Variants in DHTKD1 observed in about 807,000 individuals in gnomAD.
DHTKD1 encodes the protein 2-oxoadipate dehydrogenase complex component E1.
DHTKD1 carries 78 observed loss-of-function variants against 101.8 expected under a neutral mutation model. That is an observed-to-expected ratio of 0.77 (90% CI 0.64 to 0.93). DHTKD1 has a LOEUF of 0.93. DHTKD1 is among the 40% of genes least tolerant of loss of function. The pLI, the probability that DHTKD1 is intolerant of heterozygous loss-of-function variation, is 0.00. For missense variants in DHTKD1, 1,223 were observed against 1,161.7 expected (o/e 1.05, Z -0.77); for synonymous variants, 462 against 450.3 (o/e 1.03, Z -0.33).
Position 12,091,566 on chromosome 10 carries a change from G to T in DHTKD1, c.1041G>T (p.Thr347=), listed in dbSNP as rs181104203. Residue 347 remains threonine (T), a synonymous_variant, in exon 6 of 17, where the codon ACG becomes ACT. Transcript: ENST00000263035. The part of the protein sequence containing the change: ...CGQGIVPETF[T]LSNLPHFRIG... ...AAGGGATTGTTCCTGAAACATTCAC[G>T]CTGTCCAATCTCCCACATTTCAGAA... 1 of 1,612,716 alleles carries T rather than the reference G, an allele frequency of 6.2e-7. No homozygotes were observed. Among genetic ancestry groups the T allele is most frequent in the Non-Finnish European group, 8.5e-7 (1 of 1,179,834 alleles).
chr10:12,099,872 C>T (rs1833131491), intron 8 of DHTKD1, among the ~76,000 whole-genome samples: 1 of 149,464 alleles, frequency 6.7e-6, no homozygotes, highest in Non-Finnish European at 1.5e-5. Flanking sequence ...TCTCAGCTCA[C>T]TGCAACCTCC....
Position 12,109,368 on chromosome 10 carries a change from A to G in DHTKD1, c.2154+1353A>G, listed in dbSNP as rs186475944. Among the ~76,000 whole-genome samples the G allele has an allele frequency of 5.3e-5, 8 of 151,974 alleles. No homozygotes were observed. In the East Asian group the frequency reaches 5.8e-4, roughly 11 times the overall value. On this transcript the variant is annotated intron_variant, in intron 12 of 16. Transcript: ENST00000263035. ...TAAAAAGAGATTAGAGTAATGGTAG[A>G]TAAACTAAAGCATGACATGTGAAAT... is the stretch of plus-strand genomic sequence containing the variant.
rs568950336 is a variant in DHTKD1 at position 12,115,489 on chromosome 10, C to T, written c.2320-2184C>T. Among the ~76,000 whole-genome samples, 9 of 152,242 alleles carry T rather than the reference C, an allele frequency of 5.9e-5. No individual in the cohort carries two copies. In the East Asian group the frequency reaches 1.7e-3, roughly 29 times the overall value. On this transcript the variant is annotated intron_variant, in intron 13 of 16. Coordinates refer to ENST00000263035, the MANE Select transcript of DHTKD1 (RefSeq NM_018706.7). ...TTTCATGGCCCTAAAATCAGTGCCT[C>T]CTTAAACTTTTTGCACTAGGTACCT...
intron 1 of DHTKD1, among the ~76,000 whole-genome samples, chr10:12,080,257 G>A (rs373774053): frequency 1.4e-5 from 2 of 143,608 alleles, no homozygotes; most frequent in South Asian, 2.2e-4. Context: ...CCAGGATCAC[G>A]CCACTGCACT....
intron 13 of DHTKD1, among the ~76,000 whole-genome samples, chr10:12,115,636 T>C (rs1833404456): frequency 6.6e-6 from 1 of 152,190 alleles, no homozygotes; most frequent in South Asian, 2.1e-4. Flanking sequence ...GGTCTACCGG[T>C]TCTTTCTCAC....
At position 12,107,104 on chromosome 10, in the gene DHTKD1, C is replaced by T. The variant is rs141211039; in HGVS notation, c.2047+708C>T. Among the ~76,000 whole-genome samples the T allele has an allele frequency of 0.011, 1,740 of 152,122 alleles. 31 individuals carry two copies. Among genetic ancestry groups the T allele is most frequent in the African/African-American group, 0.039 (1,633 of 41,478 alleles). On this transcript the variant is annotated intron_variant, in intron 11 of 16. Coordinates refer to ENST00000263035, the MANE Select transcript of DHTKD1 (RefSeq NM_018706.7). This position sits in a 1 kb window ranked among gnomAD's most constrained non-coding sequence, Gnocchi z 4.1. ...GGTTTGCACGATTCTCCTGCCTCAGCCTCCCGAGTAGCTGGGACTACATAG... is the reference window on the plus strand; with the variant it reads ...GGTTTGCACGATTCTCCTGCCTCAGTCTCCCGAGTAGCTGGGACTACATAG...
intron 15 of DHTKD1, among the ~76,000 whole-genome samples, chr10:12,119,758 A>T (rs539361103): frequency 6.6e-6 from 1 of 152,232 alleles, no homozygotes; most frequent in African/African-American, 2.4e-5. Flanking sequence ...CTGAGGAGCA[A>T]ACCTCCGTGG....
At chr10:12,075,318 G>T (rs1270783525) in intron 1 of DHTKD1, among the ~76,000 whole-genome samples, 1 of 152,110 alleles carries the variant, frequency 6.6e-6, no homozygotes, top group Non-Finnish European at 1.5e-5. Context: ...AGCTGGGGTT[G>T]CAGGTGCTTC....
intron 12 of DHTKD1, among the ~76,000 whole-genome samples, chr10:12,111,341 T>G (rs1161997558): frequency 6.6e-6 from 1 of 152,142 alleles, no homozygotes; most frequent in Non-Finnish European, 1.5e-5. Flanking sequence ...AATTTTTGTA[T>G]TTTTAGTAGA....
Position 12,101,041 on chromosome 10 carries a change from G to A in DHTKD1, c.1757-1G>A. 1 of 1,612,878 alleles carries A rather than the reference G, an allele frequency of 6.2e-7. No individual in the cohort carries two copies. The highest frequency in any genetic ancestry group is 1.3e-5 in the African/African-American group (1 of 74,958). ...GACTTTTTTTTTCTTGCTTGCTTAA[G>A]GTTTTAATGTTCGTCTAAGTGGCCA... On this transcript the variant is annotated splice_acceptor_variant, in intron 9 of 16. Transcript: ENST00000263035. LOFTEE classifies it high-confidence loss of function.
At chr10:12,118,044 C>A (rs1236236114) in intron 14 of DHTKD1, among the ~76,000 whole-genome samples, 1 of 151,014 alleles carries the variant, frequency 6.6e-6, no homozygotes, top group Non-Finnish European at 1.5e-5. Context: ...TGCCCGCCAC[C>A]ACACCCTGCT....
In DHTKD1 at chr10:12,079,740, T is replaced by G. The variant is rs770330718; in HGVS notation, c.155-1732T>G. Among the ~76,000 whole-genome samples the G allele has an allele frequency of 4.4e-4, 67 of 152,186 alleles. 1 individual carries two copies. The highest frequency in any genetic ancestry group is 1.0e-3 in the Admixed American group (16 of 15,252). ...GCTTTAGACATAGTCTGTCTGGATTTTAGCCACAAATATAAAGGTTTCCTA... is the reference window on the plus strand; with the variant it reads ...GCTTTAGACATAGTCTGTCTGGATTGTAGCCACAAATATAAAGGTTTCCTA... On this transcript the variant is annotated intron_variant, in intron 1 of 16. Transcript: ENST00000263035.
intron 13 of DHTKD1, among the ~76,000 whole-genome samples, chr10:12,116,753 G>C (rs1476571476): frequency 1.3e-5 from 2 of 149,564 alleles, no homozygotes; most frequent in East Asian, 4.0e-4. Context: ...CTGGAGTGCA[G>C]TGGCATGATC....
At chr10:12,077,053 T>TCAGTTTC (rs1832744076) in intron 1 of DHTKD1, among the ~76,000 whole-genome samples, 1 of 149,054 alleles carries the variant, frequency 6.7e-6, no homozygotes, top group African/African-American at 2.5e-5. Context: ...AAATTTTTGA[T>TCAGTTTC]CAGTTTCTTT....
intron 13 of DHTKD1, among the ~76,000 whole-genome samples, chr10:12,114,299 A>ATT (rs1223823337): frequency 4.1e-5 from 6 of 144,804 alleles, no homozygotes; most frequent in Admixed American, 6.9e-5. Flanking sequence ...TTAGTATTAA[A>ATT]TTTTTTTTTT....
intron 5 of DHTKD1, among the ~76,000 whole-genome samples, chr10:12,090,442 T>TCCTC (rs1312922649): frequency 9.5e-6 from 1 of 104,846 alleles, no homozygotes; most frequent in African/African-American, 3.8e-5. Flanking sequence ...CTTCCTTCCT[T>TCCTC]CCTTCCTTCC....
intron 2 of DHTKD1, among the ~76,000 whole-genome samples, chr10:12,083,484 C>A (rs866915128): frequency 6.6e-6 from 1 of 152,156 alleles, no homozygotes; most frequent in African/African-American, 2.4e-5. Context: ...CCTGTAATCT[C>A]AGCACTTGGA....
intron 1 of DHTKD1, among the ~76,000 whole-genome samples, chr10:12,076,493 T>C (rs1411728988): frequency 1.3e-5 from 2 of 151,846 alleles, no homozygotes; most frequent in Non-Finnish European, 2.9e-5. Context: ...AAGAGCTTTA[T>C]TGTACATGTT....
intron 12 of DHTKD1, among the ~76,000 whole-genome samples, chr10:12,109,370 A>G (rs1251483028): frequency 6.6e-6 from 1 of 151,828 alleles, no homozygotes; most frequent in Non-Finnish European, 1.5e-5. Flanking sequence ...AATGGTAGAT[A>G]AACTAAAGCA....
Sources: gnomAD v4.1 joint callset for allele counts (sites outside exome capture counted in the v4.1 genomes callset) on GRCh38, gnomAD v4.1.1 for gene constraint, Gnocchi (gnomAD v3.1) non-coding constraint, MANE v1.5 for transcripts, NCBI Gene and HGNC (gene_info 2026-07-23, HGNC 2026-07-21) for gene names.